LIMCH1: variants seen among roughly 807,000 people sequenced by gnomAD.
LIMCH1 encodes LIM and calponin homology domains-containing protein 1.
LIMCH1 carries 113 observed loss-of-function variants against 176.5 expected under a neutral mutation model. That is an observed-to-expected ratio of 0.64 (90% CI 0.55 to 0.75). The LOEUF (loss-of-function observed/expected upper bound fraction) is 0.75, where lower values mean the gene tolerates loss of function less well. LIMCH1 is among the 30% of genes least tolerant of loss of function. The pLI, the probability that LIMCH1 is intolerant of heterozygous loss-of-function variation, is 0.00. For synonymous variants in LIMCH1, 619 were observed against 645.9 expected (o/e 0.96, Z 0.63); for missense variants, 1,674 against 1,814.9 (o/e 0.92, Z 1.41).
intron 2 of LIMCH1, among the ~76,000 whole-genome samples, chr4:41,507,530 A>T (rs1406588785): frequency 1.3e-5 from 2 of 152,218 alleles, no homozygotes; most frequent in East Asian, 1.9e-4. Flanking sequence ...TAAATATCAG[A>T]GTAAAAAAAT....
chr4:41,404,341 C>G (rs2154119447), intron 1 of LIMCH1, among the ~76,000 whole-genome samples: 1 of 151,988 alleles, frequency 6.6e-6, no homozygotes, highest in South Asian at 2.1e-4. Flanking sequence ...TGTGTCTCAA[C>G]AGGAAGACCC....
At chr4:41,566,156 T>A (rs1584210401) in intron 1 of LIMCH1, among the ~76,000 whole-genome samples, 1 of 152,156 alleles carries the variant, frequency 6.6e-6, no homozygotes. Flanking sequence ...TGGGTGGTCA[T>A]GTCACATTGA....
intron 1 of LIMCH1, among the ~76,000 whole-genome samples, chr4:41,494,155 A>G (rs1363469422): frequency 1.3e-5 from 2 of 152,138 alleles, no homozygotes; most frequent in Admixed American, 6.6e-5. Context: ...AATAGAAAAA[A>G]AGGCTTCAAA....
chr4:41,585,354 T>C (rs773189252), intron 1 of LIMCH1, among the ~76,000 whole-genome samples: 1 of 152,238 alleles, frequency 6.6e-6, no homozygotes, highest in Non-Finnish European at 1.5e-5. Context: ...CTTCCGGATT[T>C]ATTTACATTG....
rs775623489 is a variant in LIMCH1, at chr4:41,619,390, C to T, written c.408C>T (p.Arg136=). 26 of 1,613,410 alleles carry T rather than the reference C, an allele frequency of 1.6e-5. No individual in the cohort carries two copies. The Admixed American group carries it at 4.3e-4, about 27-fold the overall frequency. ...RKKKAEREEY[R]KSWSTATSPL... is the part of the protein sequence containing the mutation. ...AGAAAGCAGAGAGAGAGGAATACCG[C>T]AAGAGCTGGAGTACCGCCACCTCCC... The change falls in exon 6 of 32, where the codon CGC becomes CGT. Residue 136 remains arginine, a synonymous_variant. Coordinates refer to ENST00000503057, the MANE Select transcript of LIMCH1 (RefSeq NM_001330672.2).
rs7688785 is a variant in LIMCH1 at position 41,660,032 on chromosome 4, T to C, written c.3037-1388T>C. On this transcript the variant is annotated intron_variant, in intron 18 of 31. Transcript: ENST00000503057. ...AAAAGTCACCCAAAACTTAAGCACA[T>C]TAAAAATAATCACAATTAACATTTT... 9.8e-3 allele frequency among the ~76,000 whole-genome samples: 1,494 copies of C among 152,220 alleles called. 18 individuals carry two copies. Among genetic ancestry groups the C allele is most frequent in the African/African-American group, 0.034 (1,414 of 41,560 alleles).
chr4:41,514,941 A>G (rs934361077), intron 2 of LIMCH1, among the ~76,000 whole-genome samples: 1 of 152,194 alleles, frequency 6.6e-6, no homozygotes, highest in Non-Finnish European at 1.5e-5. Context: ...CCCAAACCAC[A>G]TCTGAGATTG....
chr4:41,439,558 T>A (rs963729254), intron 1 of LIMCH1, among the ~76,000 whole-genome samples: 4 of 151,968 alleles, frequency 2.6e-5, no homozygotes, highest in African/African-American at 9.7e-5. Context: ...CACTGCAGCC[T>A]GGATGACAGA....
chr4:41,388,307 T>G (rs986985042), intron 1 of LIMCH1, among the ~76,000 whole-genome samples: 6 of 152,260 alleles, frequency 3.9e-5, no homozygotes, highest in African/African-American at 1.4e-4. Flanking sequence ...AATGGAATAC[T>G]CTACTGTTTG....
At chr4:41,542,565 C>A (rs1179486957) in intron 1 of LIMCH1, among the ~76,000 whole-genome samples, 1 of 152,116 alleles carries the variant, frequency 6.6e-6, no homozygotes, top group Non-Finnish European at 1.5e-5. Context: ...AGCAACTGAA[C>A]TCCCTTTTGT....
chr4:41,685,213 T>A (rs527572711), intron 27 of LIMCH1, among the ~76,000 whole-genome samples: 40 of 152,210 alleles, frequency 2.6e-4, no homozygotes, highest in Non-Finnish European at 5.3e-4. Context: ...TTTTTTAGCT[T>A]GTTGTCTATA....
chr4:41,603,235 A>G (rs1279542586), intron 2 of LIMCH1, among the ~76,000 whole-genome samples: 1 of 152,202 alleles, frequency 6.6e-6, no homozygotes, highest in Non-Finnish European at 1.5e-5. Flanking sequence ...TTTTGCAGGA[A>G]GTCTTATTTC....
intron 1 of LIMCH1, among the ~76,000 whole-genome samples, chr4:41,423,449 T>TAAA (rs112606125): frequency 0.02 from 2,836 of 145,264 alleles, 53 homozygotes; most frequent in African/African-American, 0.052. Context: ...GTCTTGGGGT[T>TAAA]AAAAAAAAAA....
At chr4:41,373,467 G>A (rs2054276753) in intron 1 of LIMCH1, among the ~76,000 whole-genome samples, 1 of 152,200 alleles carries the variant, frequency 6.6e-6, no homozygotes, top group African/African-American at 2.4e-5. Context: ...TTGTCTGGGA[G>A]GACAGCAGTT....
intron 1 of LIMCH1, chr4:41,389,045 G>A (rs1019215565): frequency 6.6e-6 from 1 of 152,220 alleles, no homozygotes; most frequent in African/African-American, 2.4e-5. Flanking sequence ...TTTTGGCTGG[G>A]AGGTGGCCAG....
At chr4:41,559,507 A>G (rs977806207) in intron 1 of LIMCH1, among the ~76,000 whole-genome samples, 9 of 151,912 alleles carry the variant, frequency 5.9e-5, no homozygotes, top group Non-Finnish European at 1.3e-4. Context: ...CCTTTCCTGA[A>G]CCTGGCTGCA....
intron 9 of LIMCH1, 99 bp downstream of exon 9, chr4:41,629,833 G>C: frequency 7.5e-7 from 1 of 1,338,516 alleles, no homozygotes; most frequent in South Asian, 1.5e-5. Flanking sequence ...TTTTTGTCAG[G>C]GTCTTGCTCT....
At chr4:41,403,486 C>T (rs1026417097) in intron 1 of LIMCH1, among the ~76,000 whole-genome samples, 2 of 152,118 alleles carry the variant, frequency 1.3e-5, no homozygotes, top group Non-Finnish European at 2.9e-5. Context: ...GAGGCTGAGG[C>T]AGGAGAATCG....
intron 20 of LIMCH1, among the ~76,000 whole-genome samples, chr4:41,666,341 C>G (rs78837158): frequency 6.6e-6 from 1 of 152,110 alleles, no homozygotes; most frequent in African/African-American, 2.4e-5. Flanking sequence ...TACGTTTTTA[C>G]GCTCATGTTT....
Sources: gnomAD v4.1 joint callset for allele counts (sites outside exome capture counted in the v4.1 genomes callset) on GRCh38, gnomAD v4.1.1 for gene constraint, MANE v1.5 for transcripts, NCBI Gene and HGNC (gene_info 2026-07-23, HGNC 2026-07-21) for gene names.